Variants in TTLL8 observed in about 807,000 individuals in gnomAD.
TTLL8 encodes protein monoglycylase TTLL8.
A neutral mutation model predicts 77.8 loss-of-function variants in TTLL8; 65 were observed. The ratio of observed to expected loss-of-function variants is 0.84; its 90% CI spans 0.68 to 1.03. The LOEUF (loss-of-function observed/expected upper bound fraction) is 1.03, where lower values mean the gene tolerates loss of function less well. TTLL8 is among the 50% of genes least tolerant of loss of function. TTLL8 has a pLI of 0.00. For missense variants in TTLL8, 910 were observed against 1,004.5 expected (o/e 0.91, Z 1.27); for synonymous variants, 402 against 422.8 (o/e 0.95, Z 0.60).
At chr22:50,052,461 A>G (rs917741252) in intron 1 of TTLL8, among the ~76,000 whole-genome samples, 19 of 152,226 alleles carry the variant, frequency 1.2e-4, no homozygotes, top group Non-Finnish European at 2.5e-4. Flanking sequence ...ATGAAAGGAG[A>G]GGAAAGGAAA....
intron 3 of TTLL8, among the ~76,000 whole-genome samples, chr22:50,047,707 C>T (rs536478617): frequency 6.6e-6 from 1 of 152,302 alleles, no homozygotes; most frequent in African/African-American, 2.4e-5. Flanking sequence ...CAGGCACTGG[C>T]CTCCCGCTCC....
chr22:50,031,592 G>A, intron 11 of TTLL8, 94 bp downstream of exon 12: 2 of 1,196,764 alleles, frequency 1.7e-6, no homozygotes, highest in Non-Finnish European at 2.1e-6. Flanking sequence ...CGCTGCACTG[G>A]CGGCCTGCAG....
At chr22:50,025,809 G>C (rs1458353306) in intron 12 of TTLL8, among the ~76,000 whole-genome samples, 1 of 152,180 alleles carries the variant, frequency 6.6e-6, no homozygotes, top group African/African-American at 2.4e-5. Context: ...CTAGTCACCT[G>C]AGAAACACGA....
intron 12 of TTLL8, among the ~76,000 whole-genome samples, chr22:50,019,707 A>G (rs2061184104): frequency 6.6e-6 from 1 of 152,212 alleles, no homozygotes; most frequent in Non-Finnish European, 1.5e-5. Context: ...GCATCCCTGA[A>G]GCAGCACCAT....
At chr22:50,027,165 G>A (rs553661840) in intron 12 of TTLL8, among the ~76,000 whole-genome samples, 30 of 146,548 alleles carry the variant, frequency 2.0e-4, no homozygotes, top group Middle Eastern at 8.3e-3. Flanking sequence ...GAACCCAGGA[G>A]GTGGATGTTG....
At chr22:50,023,864 C>CA (rs2061217975) in intron 12 of TTLL8, among the ~76,000 whole-genome samples, 1 of 151,610 alleles carries the variant, frequency 6.6e-6, no homozygotes, top group African/African-American at 2.4e-5. Flanking sequence ...ACTAAAAATA[C>CA]AAAAAATTAG....
rs1043586445 is a variant in TTLL8 at position 50,031,613 on chromosome 22, G to T, written c.1707+73C>A. On this transcript the variant is annotated intron_variant, in intron 11 of 13. Transcript: ENST00000266182. ...ACTGGCGGCCTGCAGCTCCACCCTC[G>T]CCCAGTGACCAGGTGGCAAAGCATC... 8.3e-6 allele frequency: 10 copies of T among 1,205,864 alleles called. No homozygotes were observed. The South Asian group carries it at 1.0e-4, about 12-fold the overall frequency. The allele number at this position is 1,205,864 out of a possible 1,614,324, so 74.7% of individuals were successfully genotyped here.
At chr22:50,046,583 G>A (rs1048181866) in intron 4 of TTLL8, among the ~76,000 whole-genome samples, 2 of 152,238 alleles carry the variant, frequency 1.3e-5, no homozygotes, top group African/African-American at 4.8e-5. Context: ...CTGACCCTGG[G>A]GTATTAGGTG....
chr22:50,022,539 C>A (rs1236999441), intron 12 of TTLL8, among the ~76,000 whole-genome samples: 2 of 152,032 alleles, frequency 1.3e-5, no homozygotes, highest in Non-Finnish European at 2.9e-5. Context: ...GACATGCATT[C>A]CTCCATCTGA....
chr22:50,056,698 CT>C (rs909732185), upstream of TTLL8: 12 of 962,158 alleles, frequency 1.2e-5, no homozygotes, highest in Admixed American at 1.8e-4. The surrounding 1 kb of genome is among the most constrained non-coding windows in gnomAD (Gnocchi z 4.1). Flanking sequence ...CCCAACACCC[CT>C]GGGGTCCTCC....
At chr22:50,040,293 C>T (rs1325686701) in intron 8 of TTLL8, among the ~76,000 whole-genome samples, 1 of 151,802 alleles carries the variant, frequency 6.6e-6, no homozygotes, top group Non-Finnish European at 1.5e-5. Flanking sequence ...CCTCATGGAC[C>T]TCACGTGTAA....
intron 12 of TTLL8, among the ~76,000 whole-genome samples, chr22:50,021,819 C>T (rs986792361): frequency 2.7e-5 from 4 of 149,440 alleles, no homozygotes; most frequent in African/African-American, 9.9e-5. Context: ...ACATGCACTC[C>T]TCCATCTGAC....
chr22:50,056,717 C>T (rs919113591), upstream of TTLL8: 21 of 982,570 alleles, frequency 2.1e-5, no homozygotes, highest in Non-Finnish European at 2.5e-5. The surrounding 1 kb of genome is among the most constrained non-coding windows in gnomAD (Gnocchi z 4.1). Flanking sequence ...TCCGCCTGGA[C>T]CGTCCAAGAG....
intron 3 of TTLL8, among the ~76,000 whole-genome samples, chr22:50,048,199 C>T (rs1479141892): frequency 6.6e-6 from 1 of 151,888 alleles, no homozygotes; most frequent in African/African-American, 2.4e-5. Context: ...GAAACAGCAT[C>T]GTCAACAGAG....
chr22:50,056,700 G>A, upstream of TTLL8: 1 of 963,342 alleles, frequency 1.0e-6, no homozygotes, highest in Non-Finnish European at 1.2e-6. The surrounding 1 kb of genome is among the most constrained non-coding windows in gnomAD (Gnocchi z 4.1). Context: ...CAACACCCCT[G>A]GGGTCCTCCG....
At chr22:50,027,631 C>T in intron 12 of TTLL8, 2 of 985,370 alleles carry the variant, frequency 2.0e-6, no homozygotes, top group Non-Finnish European at 2.4e-6. Flanking sequence ...CTTAAGCCAA[C>T]AAGCTCCAAG....
chr22:50,043,274 G>A (rs1203292809), intron 6 of TTLL8, among the ~76,000 whole-genome samples: 7 of 148,014 alleles, frequency 4.7e-5, no homozygotes, highest in Admixed American at 2.0e-4. Context: ...GACGTCCTTC[G>A]GTAGATGGAT....
At chr22:50,032,162 C>A in intron 10 of TTLL8, 53 bp from the exon 12 acceptor site, 1 of 1,302,456 alleles carries the variant, frequency 7.7e-7, no homozygotes, top group South Asian at 1.3e-5. Context: ...CAGGAGGGCA[C>A]CCAAGGCCGG....
chr22:50,032,181 G>T (rs1601915777), intron 10 of TTLL8, 72 bp from the exon 12 acceptor site: 2 of 1,275,094 alleles, frequency 1.6e-6, no homozygotes, highest in East Asian at 9.4e-5. Context: ...GGTCCTCCCA[G>T]CCGTGCTGAG....
Sources: gnomAD v4.1 joint callset for allele counts (sites outside exome capture counted in the v4.1 genomes callset) on GRCh38, gnomAD v4.1.1 for gene constraint, Gnocchi (gnomAD v3.1) non-coding constraint, MANE v1.5 for transcripts, NCBI Gene and HGNC (gene_info 2026-07-23, HGNC 2026-07-21) for gene names.